OPCML: variants seen among roughly 807,000 people sequenced by gnomAD.
OPCML encodes opioid-binding protein/cell adhesion molecule.
OPCML carries 13 observed loss-of-function variants against 37.8 expected under a neutral mutation model. The ratio of observed to expected loss-of-function variants is 0.34; its 90% CI spans 0.22 to 0.55. OPCML has a LOEUF of 0.55. Among genes scored for constraint, OPCML ranks in the 20% least tolerant of loss-of-function variants. The pLI is 0.91. For missense variants in OPCML, 341 were observed against 435.6 expected, an observed-to-expected ratio of 0.78 and a Z score of 1.93; for synonymous variants, 176 against 168.8, an observed-to-expected ratio of 1.04 and a Z score of -0.33.
rs143549100 is a variant in OPCML at position 133,464,822 on chromosome 11, G to A, written c.61+67442C>T. Among the ~76,000 whole-genome samples, 6 of 152,316 alleles carry A rather than the reference G, an allele frequency of 3.9e-5. No individual in the cohort carries two copies. In the East Asian group the frequency reaches 1.2e-3, roughly 29 times the overall value. On this transcript the variant is annotated intron_variant, in intron 1 of 7. Coordinates refer to ENST00000524381, the MANE Select transcript of OPCML (RefSeq NM_001012393.5). ...TACAAGAGCGGAGGCTGCTGGGTCT[G>A]AGAGATATTCAGGACCTGTCATTTG... is the stretch of plus-strand genomic sequence containing the variant.
intron 4 of OPCML, among the ~76,000 whole-genome samples, chr11:132,473,256 T>C (rs2136969498): frequency 6.6e-6 from 1 of 152,160 alleles, no homozygotes; most frequent in South Asian, 2.1e-4. Flanking sequence ...TGTGTGAAAA[T>C]TCATGAAAAG....
intron 1 of OPCML, among the ~76,000 whole-genome samples, chr11:133,204,508 T>C (rs908895058): frequency 2.0e-5 from 3 of 152,186 alleles, no homozygotes; most frequent in African/African-American, 7.2e-5. Context: ...GTCAGGTCCC[T>C]GTGGCCTAAC....
chr11:133,127,924 C>T (rs985701337), intron 1 of OPCML, among the ~76,000 whole-genome samples: 3 of 151,888 alleles, frequency 2.0e-5, no homozygotes, highest in Admixed American at 6.6e-5. Context: ...CAGCAGAAGA[C>T]GGGATGATTA....
intron 1 of OPCML, chr11:133,359,891 C>T (rs932757277): frequency 2.0e-5 from 3 of 152,166 alleles, no homozygotes; most frequent in Non-Finnish European, 4.4e-5. Flanking sequence ...CATTAAAAGG[C>T]TTTTATTTGC....
chr11:133,083,145 C>T (rs912702465), intron 1 of OPCML, among the ~76,000 whole-genome samples: 4 of 150,222 alleles, frequency 2.7e-5, no homozygotes, highest in Non-Finnish European at 4.4e-5. Flanking sequence ...CACACACACG[C>T]ACACACACAC....
At chr11:133,513,820 A>C (rs1287510990) in intron 1 of OPCML, among the ~76,000 whole-genome samples, 1 of 152,208 alleles carries the variant, frequency 6.6e-6, no homozygotes, top group Non-Finnish European at 1.5e-5. Flanking sequence ...TAAATTTGGC[A>C]TTTATAATGG....
chr11:133,175,403 C>CTTA (rs1485962720), intron 1 of OPCML, among the ~76,000 whole-genome samples: 2 of 150,092 alleles, frequency 1.3e-5, no homozygotes, highest in East Asian at 4.1e-4. Flanking sequence ...TCCTCTACTG[C>CTTA]TTATTTATTC....
chr11:132,898,609 A>G (rs1016418741), intron 2 of OPCML, among the ~76,000 whole-genome samples: 7 of 152,184 alleles, frequency 4.6e-5, no homozygotes, highest in African/African-American at 1.7e-4. Flanking sequence ...GCTCTGAATC[A>G]GCATCCAATA....
chr11:132,732,675 G>T (rs1945118587), intron 2 of OPCML, among the ~76,000 whole-genome samples: 1 of 152,164 alleles, frequency 6.6e-6, no homozygotes, highest in South Asian at 2.1e-4. Context: ...CCAGAAAGGA[G>T]ACCTGAAAGA....
At chr11:133,438,231 A>G (rs111975359) in intron 1 of OPCML, among the ~76,000 whole-genome samples, 2 of 152,302 alleles carry the variant, frequency 1.3e-5, no homozygotes, top group African/African-American at 4.8e-5. Context: ...AGGAGGATAT[A>G]GATGTTATAG....
At chr11:133,293,268 T>C (rs1318634266) in intron 1 of OPCML, among the ~76,000 whole-genome samples, 2 of 152,170 alleles carry the variant, frequency 1.3e-5, no homozygotes, top group Non-Finnish European at 2.9e-5. Flanking sequence ...TTATTTTCTT[T>C]CCATCATCCT....
chr11:133,127,137 A>G (rs1949529608), intron 1 of OPCML, among the ~76,000 whole-genome samples: 1 of 152,120 alleles, frequency 6.6e-6, no homozygotes, highest in Non-Finnish European at 1.5e-5. Flanking sequence ...TTGATCCATC[A>G]TCTTGTACTT....
At chr11:133,331,028 T>C (rs1300033890) in intron 1 of OPCML, among the ~76,000 whole-genome samples, 1 of 152,220 alleles carries the variant, frequency 6.6e-6, no homozygotes, top group East Asian at 1.9e-4. Flanking sequence ...GGTGTCCCTC[T>C]ATCTGCTTTC....
At chr11:132,852,820 T>C (rs746604682) in intron 2 of OPCML, among the ~76,000 whole-genome samples, 14 of 152,080 alleles carry the variant, frequency 9.2e-5, no homozygotes, top group Admixed American at 6.6e-4. Flanking sequence ...TGTCTACAGG[T>C]AGGCTTGGCA....
chr11:132,785,309 A>T (rs1485530894), intron 2 of OPCML, among the ~76,000 whole-genome samples: 1 of 152,292 alleles, frequency 6.6e-6, no homozygotes. Context: ...CACATGAGGG[A>T]TCTACATGGT....
At chr11:133,300,805 C>T (rs1380444598) in intron 1 of OPCML, 1 of 152,174 alleles carries the variant, frequency 6.6e-6, no homozygotes, top group Non-Finnish European at 1.5e-5. Flanking sequence ...TTCATAAAGA[C>T]AGAAGAGGAG....
At chr11:133,019,011 A>C (rs1022979914) in intron 1 of OPCML, among the ~76,000 whole-genome samples, 1 of 152,136 alleles carries the variant, frequency 6.6e-6, no homozygotes, top group East Asian at 1.9e-4. Flanking sequence ...TACAATCCTC[A>C]CATTCTCTGG....
intron 1 of OPCML, among the ~76,000 whole-genome samples, chr11:133,481,326 A>G (rs1355111010): frequency 2.0e-5 from 3 of 152,178 alleles, no homozygotes; most frequent in African/African-American, 7.2e-5. Context: ...ACAGGAGAGA[A>G]GAGTCAAGCC....
chr11:132,461,127 T>G (rs536904002), intron 4 of OPCML, among the ~76,000 whole-genome samples: 1 of 152,076 alleles, frequency 6.6e-6, no homozygotes, highest in Non-Finnish European at 1.5e-5. Flanking sequence ...TGGTATTTGG[T>G]CTTCCTCCCC....
Sources: allele counts gnomAD v4.1 joint callset (sites outside exome capture counted in the v4.1 genomes callset), GRCh38; gene constraint gnomAD v4.1.1; transcripts MANE v1.5; gene names NCBI Gene and HGNC (gene_info 2026-07-23, HGNC 2026-07-21).